The following SNX27 variants were observed in gnomAD, a reference collection of about 807,000 sequenced individuals.
SNX27 encodes sorting nexin 27, also known as sorting nexin-27.
Under a neutral mutation model 71.6 loss-of-function variants are expected in SNX27, and 22 were observed. The ratio of observed to expected loss-of-function variants is 0.31; its 90% CI spans 0.22 to 0.44. The LOEUF is 0.44. SNX27 is among the 20% of genes least tolerant of loss of function. The pLI is 1.00. For synonymous variants in SNX27, 269 were observed against 277.2 expected (o/e 0.97, Z 0.29); for missense variants, 531 against 698.6 (o/e 0.76, Z 2.70).
At chr1:151,689,850 CTT>C (rs34443261) in intron 8 of SNX27, among the ~76,000 whole-genome samples, 9 of 148,118 alleles carry the variant, frequency 6.1e-5, no homozygotes, top group Non-Finnish European at 9.0e-5. Flanking sequence ...TCTATATATA[CTT>C]TTTTTTTTTT....
intron 7 of SNX27, among the ~76,000 whole-genome samples, chr1:151,681,105 C>T (rs73000084): frequency 5.1e-4 from 77 of 152,180 alleles, no homozygotes; most frequent in African/African-American, 1.8e-3. Flanking sequence ...TTACAAAACT[C>T]TTAACATCTG....
In SNX27 at chr1:151,698,462, A is replaced by T. The variant is rs970455927; in HGVS notation, c.*4045A>T. The T allele has an allele frequency of 6.6e-6, 1 of 152,576 alleles. No individual in the cohort carries two copies. The highest frequency in any genetic ancestry group is 6.5e-5 in the Admixed American group (1 of 15,282). 9.5% of individuals were successfully genotyped at this position (152,576 alleles called of 1,614,324 possible). A position where few individuals can be genotyped will look rare whatever the true frequency, so the allele number is the denominator to read the frequency against. On this transcript the variant is annotated 3_prime_UTR_variant, in exon 12 of 12. Coordinates refer to ENST00000458013, the MANE Select transcript of SNX27 (RefSeq NM_001330723.2). The stretch of plus-strand genomic sequence containing the variant: ...CTGTTTGATCTGTTGACCCCAGCAT[A>T]CTGCTGTTTCTTCACCAGCTTCATT...
At chr1:151,628,684 A>C (rs534271288) in intron 1 of SNX27, among the ~76,000 whole-genome samples, 1 of 152,294 alleles carries the variant, frequency 6.6e-6, no homozygotes, top group African/African-American at 2.4e-5. Context: ...TAGGCATTCT[A>C]ATAGGCGTGT....
At chr1:151,691,792 G>A (rs1204353822) in intron 8 of SNX27, among the ~76,000 whole-genome samples, 1 of 152,110 alleles carries the variant, frequency 6.6e-6, no homozygotes, top group East Asian at 1.9e-4. Flanking sequence ...GGGATTACCG[G>A]CGTGAGCCAC....
At chr1:151,623,466 A>T (rs987522495) in intron 1 of SNX27, among the ~76,000 whole-genome samples, 72 of 151,794 alleles carry the variant, frequency 4.7e-4, no homozygotes, top group Non-Finnish European at 7.9e-4. Flanking sequence ...GGGTTTCACC[A>T]TGTTGGCCAG....
chr1:151,693,622 G>A (rs755263305), intron 11 of SNX27, 139 bp downstream of exon 11: 1 of 1,613,876 alleles, frequency 6.2e-7, no homozygotes, highest in Middle Eastern at 1.7e-4. Context: ...ATTATCTCAT[G>A]TGAGCCAGGA....
At chr1:151,670,863 C>T (rs1670427008) in intron 7 of SNX27, among the ~76,000 whole-genome samples, 1 of 152,142 alleles carries the variant, frequency 6.6e-6, no homozygotes, top group Admixed American at 6.5e-5. Context: ...TTTGCCCAGA[C>T]TCATGTCCTG....
chr1:151,614,090 A>G (rs1481321089), intron 1 of SNX27: 2 of 151,544 alleles, frequency 1.3e-5, no homozygotes, highest in East Asian at 3.9e-4. Flanking sequence ...TATCCTTGAC[A>G]TTCTTAACTC....
chr1:151,685,862 G>C (rs988587769), intron 8 of SNX27, among the ~76,000 whole-genome samples: 2 of 152,158 alleles, frequency 1.3e-5, no homozygotes, highest in African/African-American at 4.8e-5. Flanking sequence ...GTATCAGCAG[G>C]CTGACATAGA....
At chr1:151,621,070 A>G (rs1356379898) in intron 1 of SNX27, among the ~76,000 whole-genome samples, 1 of 152,176 alleles carries the variant, frequency 6.6e-6, no homozygotes, top group South Asian at 2.1e-4. Context: ...CGGGGGGGAA[A>G]CTTAATGTGG....
At chr1:151,615,341 A>G (rs1667379190) in intron 1 of SNX27, among the ~76,000 whole-genome samples, 2 of 151,610 alleles carry the variant, frequency 1.3e-5, no homozygotes, top group African/African-American at 4.8e-5. Context: ...CCAACTATAC[A>G]GTGTCTTTCT....
At chr1:151,619,081 C>T (rs900953911) in intron 1 of SNX27, among the ~76,000 whole-genome samples, 1 of 151,974 alleles carries the variant, frequency 6.6e-6, no homozygotes, top group Non-Finnish European at 1.5e-5. Context: ...TGGCTCACGC[C>T]TGTAATCCCA....
At chr1:151,682,921 G>A (rs1671034053) in intron 7 of SNX27, among the ~76,000 whole-genome samples, 2 of 152,174 alleles carry the variant, frequency 1.3e-5, no homozygotes, top group African/African-American at 4.8e-5. Context: ...TGTAGTCCCA[G>A]CTACTCTGGA....
rs1018071423 is a variant in SNX27, at chr1:151,697,945, C to T, written c.*3528C>T. The T allele has an allele frequency of 2.0e-5, 3 of 152,196 alleles. No homozygotes were observed. Among genetic ancestry groups the T allele is most frequent in the Non-Finnish European group, 4.4e-5 (3 of 68,036 alleles). The allele number at this position is 152,196 out of a possible 1,614,324, so 9.4% of individuals were successfully genotyped here. Reference sequence around the variant, plus strand: ...TATGGCCCAGGAGAAAATGTAGACCCTGAGAAACCTGTCCCTGCAGAAAGG... The same window carrying T: ...TATGGCCCAGGAGAAAATGTAGACCTTGAGAAACCTGTCCCTGCAGAAAGG... On this transcript the variant is annotated 3_prime_UTR_variant, in exon 12 of 12. Transcript: ENST00000458013.
chr1:151,656,050 C>T (rs549559829), intron 2 of SNX27, among the ~76,000 whole-genome samples: 31 of 151,950 alleles, frequency 2.0e-4, no homozygotes, highest in African/African-American at 7.2e-4. Flanking sequence ...GGTGAAACCC[C>T]GTCTCTACTA....
chr1:151,637,169 TG>T (rs60032333), intron 1 of SNX27, among the ~76,000 whole-genome samples: 95,908 of 123,624 alleles, frequency 0.78, 39,139 homozygotes, highest in Non-Finnish European at 0.86. Flanking sequence ...TTTGTTTTTT[TG>T]TTTTTTTTTT....
At chr1:151,690,375 T>G (rs1195520130) in intron 8 of SNX27, among the ~76,000 whole-genome samples, 5 of 151,610 alleles carry the variant, frequency 3.3e-5, no homozygotes, top group Non-Finnish European at 1.5e-5. Context: ...ACTTTAAAAG[T>G]TTTTTTTTAG....
intron 1 of SNX27, among the ~76,000 whole-genome samples, chr1:151,633,172 A>G (rs1668319111): frequency 6.6e-6 from 1 of 152,010 alleles, no homozygotes; most frequent in African/African-American, 2.4e-5. Context: ...GCGCTCGGCC[A>G]ATAAACTTTA....
intron 7 of SNX27, 70 bp from the exon 8 acceptor site, chr1:151,683,286 G>A: frequency 1.6e-6 from 2 of 1,282,956 alleles, no homozygotes; most frequent in Non-Finnish European, 1.1e-6. Context: ...GTCTGTGTCT[G>A]TTTTCATCGA....
Sources: allele counts gnomAD v4.1 joint callset (sites outside exome capture counted in the v4.1 genomes callset), GRCh38; gene constraint gnomAD v4.1.1; transcripts MANE v1.5; gene names NCBI Gene and HGNC (gene_info 2026-07-23, HGNC 2026-07-21).